EBF2: variants seen among roughly 807,000 people sequenced by gnomAD.
EBF2 encodes transcription factor COE2.
EBF2 carries 21 observed loss-of-function variants against 72.8 expected under a neutral mutation model. The observed-to-expected ratio is 0.29, with a 90% confidence interval of 0.20 to 0.42. The LOEUF is 0.42. Ranked by LOEUF, EBF2 falls within the 10% of genes least tolerant of loss-of-function variation. The pLI, the probability that EBF2 is intolerant of heterozygous loss-of-function variation, is 1.00. For missense variants in EBF2, 637 were observed against 731.2 expected, an observed-to-expected ratio of 0.87 and a Z score of 1.49; for synonymous variants, 299 against 274.2, an observed-to-expected ratio of 1.09 and a Z score of -0.89.
At chr8:25,914,729 A>G (rs761236201) in intron 6 of EBF2, among the ~76,000 whole-genome samples, 3 of 152,198 alleles carry the variant, frequency 2.0e-5, no homozygotes, top group Non-Finnish European at 4.4e-5. Context: ...GCTTAAACGA[A>G]ATGAAGTTTA....
chr8:25,981,565 C>T (rs982438512), intron 6 of EBF2, among the ~76,000 whole-genome samples: 1 of 151,990 alleles, frequency 6.6e-6, no homozygotes, highest in Non-Finnish European at 1.5e-5. Context: ...TTTGGGAAAC[C>T]GAGGTGGATC....
At chr8:25,862,623 T>C in intron 11 of EBF2, 86 bp downstream of exon 11, 1 of 1,047,500 alleles carries the variant, frequency 9.5e-7, no homozygotes, top group Non-Finnish European at 1.4e-6. Flanking sequence ...TAATTAATTT[T>C]AATGGGATGT....
chr8:25,877,805 AC>A lies in EBF2; in HGVS notation c.1009+8949del, dbSNP rs1401790694. Among the ~76,000 whole-genome samples the A allele has an allele frequency of 2.6e-5, 4 of 151,938 alleles. No individual in the cohort carries two copies. In the East Asian group the frequency reaches 5.8e-4, roughly 22 times the overall value. ...GGTGAACGGACCCAGTCTCGTAAGA[AC>A]CCTCCCACGGGTGGAGTGCTTTATA... On this transcript the variant is annotated intron_variant, in intron 10 of 15. Coordinates refer to ENST00000520164, the MANE Select transcript of EBF2 (RefSeq NM_022659.4).
chr8:25,975,120 A>T (rs1804248476), intron 6 of EBF2, among the ~76,000 whole-genome samples: 1 of 152,210 alleles, frequency 6.6e-6, no homozygotes. Flanking sequence ...GTCAGAAAAA[A>T]TAAAATGAAA....
chr8:26,041,041 G>GC (rs747174190), intron 2 of EBF2, 39 bp from the exon 3 acceptor site: 12 of 1,610,672 alleles, frequency 7.5e-6, no homozygotes, highest in South Asian at 4.4e-5. Flanking sequence ...TTGCCTTTCA[G>GC]CCCCCCAAAA....
chr8:25,918,545 ATAAT>A (rs1038227349), intron 6 of EBF2, among the ~76,000 whole-genome samples: 21 of 152,362 alleles, frequency 1.4e-4, no homozygotes, highest in African/African-American at 5.0e-4. Flanking sequence ...CTAATCCTGC[ATAAT>A]TAATAAGCAC....
At position 25,858,301 on chromosome 8, in the gene EBF2, G is replaced by C; in HGVS notation, c.1528+18C>G. The C allele has an allele frequency of 6.2e-7, 1 of 1,613,840 alleles. No individual in the cohort carries two copies. ...GACAAAAAAGCATGGAGAGCCAAGT[G>C]ATGGAGAGGTCACTTACTTCCATAA... is the stretch of plus-strand genomic sequence containing the variant. On this transcript the variant is annotated intron_variant, in intron 14 of 15. Transcript: ENST00000520164.
At chr8:25,859,744 TCTCA>T (rs1802176168) in intron 13 of EBF2, among the ~76,000 whole-genome samples, 1 of 149,766 alleles carries the variant, frequency 6.7e-6, no homozygotes, top group Non-Finnish European at 1.5e-5. Flanking sequence ...TGAGACAAGA[TCTCA>T]CTCTGTTGCC....
At position 25,844,562 on chromosome 8, in the gene EBF2, G is replaced by A. The variant is rs1479191546; in HGVS notation, c.*47C>T. The stretch of plus-strand genomic sequence containing the variant: ...AGCTCCTAGTGCTTTCTTCATTATT[G>A]GTCCATCAGAGTAAGTAGTTTTGTG... On this transcript the variant is annotated 3_prime_UTR_variant, in exon 16 of 16. Transcript: ENST00000520164. 3 of 1,606,886 alleles carry A rather than the reference G, an allele frequency of 1.9e-6. No individual in the cohort carries two copies. The highest frequency in any genetic ancestry group is 1.7e-6 in the Non-Finnish European group (2 of 1,173,572).
intron 14 of EBF2, chr8:25,858,084 T>G: frequency 1.5e-6 from 1 of 658,514 alleles, no homozygotes; most frequent in Non-Finnish European, 2.8e-6. Context: ...TCTTTCTCTA[T>G]AAAAACGGAA....
intron 6 of EBF2, among the ~76,000 whole-genome samples, chr8:25,909,339 A>G (rs2117314327): frequency 6.6e-6 from 1 of 152,246 alleles, no homozygotes; most frequent in East Asian, 1.9e-4. Context: ...CACCTAGTTA[A>G]TGTTTGAAAA....
chr8:25,954,467 G>C (rs1219526469), intron 6 of EBF2, among the ~76,000 whole-genome samples: 1 of 152,224 alleles, frequency 6.6e-6, no homozygotes, highest in Admixed American at 6.5e-5. Flanking sequence ...GGTCCAAAGA[G>C]AAAGACCCCC....
In EBF2 at chr8:25,870,604, T is replaced by A. The variant is rs77611651; in HGVS notation, c.1010-7807A>T. ...GAGGTGGGATGGAGATGAGTTTTTT[T>A]AAAATATAATTTATCACGCATTTGC... On this transcript the variant is annotated intron_variant, in intron 10 of 15. Coordinates refer to ENST00000520164, the MANE Select transcript of EBF2 (RefSeq NM_022659.4). Among the ~76,000 whole-genome samples, 46 of 152,236 alleles carry A rather than the reference T, an allele frequency of 3.0e-4. No individual in the cohort carries two copies. The East Asian group carries it at 7.7e-3, about 26-fold the overall frequency.
chr8:25,905,865 A>C (rs1803024355), intron 7 of EBF2, among the ~76,000 whole-genome samples: 1 of 152,170 alleles, frequency 6.6e-6, no homozygotes, highest in South Asian at 2.1e-4. Context: ...AATGCAAACA[A>C]ATTGCCAGTT....
intron 6 of EBF2, among the ~76,000 whole-genome samples, chr8:25,962,886 C>T (rs1804057507): frequency 6.6e-6 from 1 of 152,090 alleles, no homozygotes; most frequent in Non-Finnish European, 1.5e-5. Flanking sequence ...GTCTCTTGGC[C>T]CAGGGAATTT....
At chr8:25,912,485 C>CAT (rs1187378679) in intron 6 of EBF2, among the ~76,000 whole-genome samples, 1 of 141,608 alleles carries the variant, frequency 7.1e-6, no homozygotes, top group East Asian at 2.2e-4. Flanking sequence ...CACACACACA[C>CAT]ACACACACAC....
intron 6 of EBF2, among the ~76,000 whole-genome samples, chr8:25,998,407 T>C (rs935627087): frequency 6.6e-6 from 1 of 152,002 alleles, no homozygotes; most frequent in Non-Finnish European, 1.5e-5. Flanking sequence ...TTTCAAGCCA[T>C]AGAAGAAGAA....
chr8:26,044,607 C>A lies in EBF2; in HGVS notation c.131+122G>T. The stretch of plus-strand genomic sequence containing the variant: ...CGAGGGCGAGCCCCAGCGCGCAGGG[C>A]CTGGGCGACAGATGGGGGGACAGGG... On this transcript the variant is annotated intron_variant, in intron 1 of 15. Transcript: ENST00000520164. The surrounding 1 kb of genome is among the most constrained non-coding windows in gnomAD (Gnocchi z 4.1). The A allele has an allele frequency of 7.0e-7, 1 of 1,422,086 alleles. No homozygotes were observed. 88.1% of individuals were successfully genotyped at this position (1,422,086 alleles called of 1,614,324 possible).
chr8:25,863,834 T>C (rs947808017), intron 10 of EBF2, among the ~76,000 whole-genome samples: 39 of 152,270 alleles, frequency 2.6e-4, no homozygotes, highest in African/African-American at 8.7e-4. Flanking sequence ...CATATGTCTT[T>C]CCAGATTGAA....
Sources: gnomAD v4.1 joint callset for allele counts (sites outside exome capture counted in the v4.1 genomes callset) on GRCh38, gnomAD v4.1.1 for gene constraint, Gnocchi (gnomAD v3.1) non-coding constraint, MANE v1.5 for transcripts, NCBI Gene and HGNC (gene_info 2026-07-23, HGNC 2026-07-21) for gene names.